Variants in ELAPOR1 observed in about 807,000 individuals in gnomAD.
The protein encoded by ELAPOR1 is endosome/lysosome-associated apoptosis and autophagy regulator 1.
In ELAPOR1, 77 loss-of-function variants were observed where a neutral mutation model predicts 119.7. That is an observed-to-expected ratio of 0.64 (90% CI 0.54 to 0.78). The LOEUF is 0.78. Among genes scored for constraint, ELAPOR1 ranks in the 30% least tolerant of loss-of-function variants. The pLI, the probability that ELAPOR1 is intolerant of heterozygous loss-of-function variation, is 0.00. For synonymous variants in ELAPOR1, 481 were observed against 487.2 expected (o/e 0.99, Z 0.17); for missense variants, 1,115 against 1,270.4 (o/e 0.88, Z 1.86).
At chr1:109,198,978 A>G (rs888317035) in intron 18 of ELAPOR1, among the ~76,000 whole-genome samples, 3 of 152,206 alleles carry the variant, frequency 2.0e-5, no homozygotes, top group African/African-American at 7.2e-5. Flanking sequence ...CTATGTTATC[A>G]TGGATGCATT....
At chr1:109,138,815 C>CAAGAGTGAAACT (rs1649648483) in intron 1 of ELAPOR1, among the ~76,000 whole-genome samples, 1 of 91,234 alleles carries the variant, frequency 1.1e-5, no homozygotes, top group African/African-American at 4.3e-5. Context: ...GCCTGGGCAA[C>CAAGAGTGAAACT]AAGAGTGAAA....
Position 109,191,378 on chromosome 1 carries a change from G to A in ELAPOR1, c.1452G>A (p.Ser484=), listed in dbSNP as rs753678137. Residue 484 remains serine (S), a synonymous_variant, in exon 12 of 22, where the codon TCG becomes TCA. Transcript: ENST00000369939. The part of the protein sequence containing the change: ...LVVPGFRPPQ[S]VMADTENKEV... Reference sequence around the variant, plus strand: ...TCTGCCCCTACAGACCTCCGCAGTCGGTGATGGCAGACACAGAGAATAAAG... The same window carrying A: ...TCTGCCCCTACAGACCTCCGCAGTCAGTGATGGCAGACACAGAGAATAAAG... 1.5e-5 allele frequency: 24 copies of A among 1,613,666 alleles called. No homozygotes were observed. The highest frequency in any genetic ancestry group is 4.4e-5 in the South Asian group (4 of 91,084).
At chr1:109,166,398 A>C (rs1651603370) in intron 3 of ELAPOR1, among the ~76,000 whole-genome samples, 1 of 152,200 alleles carries the variant, frequency 6.6e-6, no homozygotes, top group Non-Finnish European at 1.5e-5. Context: ...TGCTGGCTGA[A>C]ATCTTCCAAA....
rs1223222272 is a variant in ELAPOR1, at chr1:109,204,067, G to A, written c.*1055G>A. On this transcript the variant is annotated 3_prime_UTR_variant, in exon 22 of 22. Transcript: ENST00000369939. ...ACCTCTCAAGTAGCTAGGACTACAAGTGTGCACCACCAGGCTCACTAATTT... is the reference window on the plus strand; with the variant it reads ...ACCTCTCAAGTAGCTAGGACTACAAATGTGCACCACCAGGCTCACTAATTT... 1 of 152,086 alleles carries A rather than the reference G, an allele frequency of 6.6e-6. No homozygotes were observed. The highest frequency in any genetic ancestry group is 2.4e-5 in the African/African-American group (1 of 41,374). The allele number at this position is 152,086 out of a possible 1,614,324, so 9.4% of individuals were successfully genotyped here. A position where few individuals can be genotyped will look rare whatever the true frequency, so the allele number is the denominator to read the frequency against.
At chr1:109,201,515 C>T (rs1654174106) in intron 21 of ELAPOR1, 1 of 368,282 alleles carries the variant, frequency 2.7e-6, no homozygotes. Context: ...CTATAGTCCT[C>T]TGCAGCACAA....
At chr1:109,146,405 T>C (rs1650181554) in intron 1 of ELAPOR1, among the ~76,000 whole-genome samples, 1 of 152,152 alleles carries the variant, frequency 6.6e-6, no homozygotes, top group Non-Finnish European at 1.5e-5. Context: ...TCTAGATATA[T>C]ATCAGTGTGG....
intron 1 of ELAPOR1, among the ~76,000 whole-genome samples, chr1:109,121,507 C>A (rs193124121): frequency 6.6e-6 from 1 of 152,096 alleles, no homozygotes. Context: ...ATTCAATAGG[C>A]CAAAAGGGAA....
chr1:109,171,514 T>C (rs778181651), intron 3 of ELAPOR1, among the ~76,000 whole-genome samples: 2 of 151,878 alleles, frequency 1.3e-5, no homozygotes, highest in Non-Finnish European at 2.9e-5. Flanking sequence ...GCCACGCCAC[T>C]GCACTCCAGC....
At chr1:109,149,012 T>C (rs899598825) in intron 1 of ELAPOR1, among the ~76,000 whole-genome samples, 2 of 152,186 alleles carry the variant, frequency 1.3e-5, no homozygotes, top group African/African-American at 4.8e-5. Flanking sequence ...AGTTACAGAC[T>C]GTCATAAATG....
At chr1:109,130,741 A>G (rs1252740697) in intron 1 of ELAPOR1, among the ~76,000 whole-genome samples, 1 of 152,194 alleles carries the variant, frequency 6.6e-6, no homozygotes, top group Non-Finnish European at 1.5e-5. Flanking sequence ...GGAATTAAAA[A>G]CTATAATCTT....
chr1:109,174,410 C>T (rs1271857296), intron 7 of ELAPOR1, among the ~76,000 whole-genome samples: 1 of 24,500 alleles, frequency 4.1e-5, no homozygotes, highest in Non-Finnish European at 8.8e-5. Flanking sequence ...AAGACCCTGT[C>T]TCTAAAAAAA....
At chr1:109,159,786 C>T (rs1004682315) in intron 1 of ELAPOR1, among the ~76,000 whole-genome samples, 13 of 152,246 alleles carry the variant, frequency 8.5e-5, no homozygotes, top group East Asian at 5.8e-4. Flanking sequence ...GAAGATGAAA[C>T]GAGATGGTAT....
intron 3 of ELAPOR1, among the ~76,000 whole-genome samples, chr1:109,165,669 A>G (rs1651551832): frequency 6.6e-6 from 1 of 151,550 alleles, no homozygotes; most frequent in African/African-American, 2.4e-5. Flanking sequence ...CAGCCAATAT[A>G]CTTTCTCAGC....
Position 109,172,523 on chromosome 1 carries a change from C to T in ELAPOR1, c.651C>T (p.Asp217=). The change falls in exon 5 of 22, where the codon GAC becomes GAT. Residue 217 remains aspartate (D), a synonymous_variant. Coordinates refer to ENST00000369939, the MANE Select transcript of ELAPOR1 (RefSeq NM_020775.5). ...ACCAGTGCCAGCCCAATGCAGATGA[C>T]TCCAGGTGGATGAAGACCACAGAGA... ...QNDQCQPNAD[D]SRWMKTTEKG... 1 of 1,613,932 alleles carries T rather than the reference C, an allele frequency of 6.2e-7. No homozygotes were observed. The highest frequency in any genetic ancestry group is 8.5e-7 in the Non-Finnish European group (1 of 1,179,864).
Position 109,114,143 on chromosome 1 carries a change from C to T in ELAPOR1, c.-41C>T, listed in dbSNP as rs1647800933. 1 of 1,489,664 alleles carries T rather than the reference C, an allele frequency of 6.7e-7. No individual in the cohort carries two copies. The highest frequency in any genetic ancestry group is 2.6e-5 in the East Asian group (1 of 38,282). The allele number at this position is 1,489,664 out of a possible 1,614,324, so 92.3% of individuals were successfully genotyped here. On this transcript the variant is annotated 5_prime_UTR_variant, in exon 1 of 22. Transcript: ENST00000369939. Reference sequence around the variant, plus strand: ...CTTCTGCCAGCAGAAGCAGCAGCCGCAGCACCTGAGCCGCTACTGCCGCTC... The same window carrying T: ...CTTCTGCCAGCAGAAGCAGCAGCCGTAGCACCTGAGCCGCTACTGCCGCTC...
intron 1 of ELAPOR1, among the ~76,000 whole-genome samples, chr1:109,138,736 G>A (rs1465941895): frequency 1.3e-5 from 2 of 149,648 alleles, no homozygotes; most frequent in Non-Finnish European, 3.0e-5. Flanking sequence ...CATAGTCCCA[G>A]CTCTGAGTGT....
At chr1:109,144,053 A>ATTTTTT (rs869275387) in intron 1 of ELAPOR1, among the ~76,000 whole-genome samples, 10 of 89,788 alleles carry the variant, frequency 1.1e-4, no homozygotes, top group African/African-American at 5.3e-4. Flanking sequence ...ATATATATAT[A>ATTTTTT]TTTATATATT....
At chr1:109,173,920 C>G in intron 7 of ELAPOR1, 83 bp downstream of exon 7, 2 of 1,455,154 alleles carry the variant, frequency 1.4e-6, no homozygotes, top group Non-Finnish European at 1.9e-6. Context: ...ATAGAGCCAT[C>G]CTTCTGGCCA....
intron 8 of ELAPOR1, chr1:109,187,670 G>A: frequency 2.0e-6 from 2 of 975,796 alleles, no homozygotes; most frequent in African/African-American, 3.5e-5. Context: ...TGAGACACCA[G>A]GTCTGGCACA....
Sources: allele counts gnomAD v4.1 joint callset (sites outside exome capture counted in the v4.1 genomes callset), GRCh38; gene constraint gnomAD v4.1.1; transcripts MANE v1.5; gene names NCBI Gene and HGNC (gene_info 2026-07-23, HGNC 2026-07-21).